RNLS: variants seen among roughly 807,000 people sequenced by gnomAD.
RNLS encodes the protein renalase, FAD dependent amine oxidase.
In RNLS, 39 loss-of-function variants were observed where a neutral mutation model predicts 39.8. The observed-to-expected ratio is 0.98, with a 90% CI of 0.76 to 1.28. The LOEUF (loss-of-function observed/expected upper bound fraction) is 1.28. Ranked by LOEUF, RNLS falls within the 50% of genes most tolerant of loss-of-function variation. The pLI, the probability that RNLS is intolerant of heterozygous loss-of-function variation, is 0.00. For synonymous variants in RNLS, 147 were observed against 150.7 expected, an observed-to-expected ratio of 0.98 and a Z score of 0.18; for missense variants, 410 against 413.3, an observed-to-expected ratio of 0.99 and a Z score of 0.07.
At chr10:88,427,874 T>C (rs1854887101) in intron 4 of RNLS, among the ~76,000 whole-genome samples, 1 of 151,944 alleles carries the variant, frequency 6.6e-6, no homozygotes, top group African/African-American at 2.4e-5. Flanking sequence ...AACTACAGCA[T>C]GGTTAAGTAA....
intron 4 of RNLS, among the ~76,000 whole-genome samples, chr10:88,551,081 T>C (rs1848581240): frequency 1.3e-5 from 2 of 152,186 alleles, no homozygotes; most frequent in African/African-American, 4.8e-5. Context: ...AAGGCATGGC[T>C]CATCAAGTGA....
chr10:88,364,559 T>C (rs904803009), intron 4 of RNLS, among the ~76,000 whole-genome samples: 1 of 152,142 alleles, frequency 6.6e-6, no homozygotes, highest in Non-Finnish European at 1.5e-5. Context: ...GTTACACATA[T>C]ATTCTTACTA....
chr10:88,575,759 A>G (rs1850162234), intron 3 of RNLS, among the ~76,000 whole-genome samples: 1 of 152,042 alleles, frequency 6.6e-6, no homozygotes, highest in Non-Finnish European at 1.5e-5. Flanking sequence ...AAATTTGACC[A>G]TGTCCCTCTC....
chr10:88,246,670 G>T, the RNLS span, among the ~76,000 whole-genome samples: 1 of 151,786 alleles, frequency 6.6e-6, no homozygotes, highest in South Asian at 2.1e-4. Context: ...CTCTCTCACG[G>T]CTAGAATTTT....
At chr10:88,371,657 C>T (rs1431081931) in intron 4 of RNLS, among the ~76,000 whole-genome samples, 3 of 152,100 alleles carry the variant, frequency 2.0e-5, no homozygotes, top group Non-Finnish European at 4.4e-5. Context: ...ATCTCACAAT[C>T]GTATAAAAAT....
chr10:88,210,431 C>T, the RNLS span, among the ~76,000 whole-genome samples: 1 of 152,124 alleles, frequency 6.6e-6, no homozygotes, highest in Non-Finnish European at 1.5e-5. Context: ...ATCCAAACAA[C>T]ATTTGACTCT....
intron 6 of RNLS, among the ~76,000 whole-genome samples, chr10:88,301,271 A>G (rs770136573): frequency 1.3e-5 from 2 of 152,336 alleles, no homozygotes; most frequent in Non-Finnish European, 2.9e-5. Context: ...TCCTAATTCA[A>G]TGATCAGAAT....
At chr10:88,544,562 T>C (rs950828487) in intron 4 of RNLS, among the ~76,000 whole-genome samples, 21 of 152,338 alleles carry the variant, frequency 1.4e-4, no homozygotes, top group Admixed American at 1.1e-3. Flanking sequence ...ACTAAAAGTT[T>C]TGACTCACAA....
chr10:88,444,767 G>A lies in RNLS; in HGVS notation c.527-82042C>T, dbSNP rs1589804256. Among the ~76,000 whole-genome samples, 4 of 152,170 alleles carry A rather than the reference G, an allele frequency of 2.6e-5. No homozygotes were observed. The East Asian group carries it at 7.7e-4, about 29-fold the overall frequency. On this transcript the variant is annotated intron_variant, in intron 4 of 6. Transcript: ENST00000331772. ...GAAATGAAGCAAGAAGAGAAGTTTA[G>A]AGAAAAAAGAGTAAATAGAAATGAA...
intron 4 of RNLS, among the ~76,000 whole-genome samples, chr10:88,431,016 G>C (rs1036610167): frequency 6.6e-6 from 1 of 151,570 alleles, no homozygotes; most frequent in Non-Finnish European, 1.5e-5. Flanking sequence ...ATTGCCTCTA[G>C]TACTTCAATT....
chr10:88,396,073 T>C (rs1276447685), intron 4 of RNLS, among the ~76,000 whole-genome samples: 1 of 152,064 alleles, frequency 6.6e-6, no homozygotes, highest in African/African-American at 2.4e-5. Context: ...GCAAATCTGC[T>C]CTTCAAAAAC....
intron 3 of RNLS, among the ~76,000 whole-genome samples, 188 bp from the exon 4 acceptor site, chr10:88,573,249 G>A (rs1024535735): frequency 6.6e-6 from 1 of 152,060 alleles, no homozygotes; most frequent in African/African-American, 2.4e-5. Context: ...TGGCATCCTT[G>A]GACTTCCCTA....
chr10:88,551,611 A>AAATTAAGGCGAAGTTTAT (rs1848607049), intron 4 of RNLS, among the ~76,000 whole-genome samples: 1 of 152,176 alleles, frequency 6.6e-6, no homozygotes, highest in Non-Finnish European at 1.5e-5. Flanking sequence ...TGTGATCATA[A>AAATTAAGGCGAAGTTTAT]TACACATGAA....
chr10:88,548,599 A>G (rs960113697), intron 4 of RNLS, among the ~76,000 whole-genome samples: 6 of 148,812 alleles, frequency 4.0e-5, no homozygotes, highest in African/African-American at 1.2e-4. Flanking sequence ...AGATCACAAC[A>G]CTGCACTCCA....
At chr10:88,498,849 T>A (rs1387464042) in intron 4 of RNLS, among the ~76,000 whole-genome samples, 1 of 152,078 alleles carries the variant, frequency 6.6e-6, no homozygotes, top group African/African-American at 2.4e-5. Flanking sequence ...GTATAGGAAT[T>A]CTTTGTAAAT....
the RNLS span, among the ~76,000 whole-genome samples, chr10:88,225,138 C>T: frequency 6.6e-6 from 1 of 152,192 alleles, no homozygotes; most frequent in Admixed American, 6.5e-5. Context: ...AGTTTCTACA[C>T]CCACTAAATA....
intron 6 of RNLS, among the ~76,000 whole-genome samples, chr10:88,310,374 T>C (rs1020925138): frequency 6.6e-6 from 1 of 152,130 alleles, no homozygotes; most frequent in African/African-American, 2.4e-5. Flanking sequence ...ATGGAAGGAA[T>C]TTAGGTTGCC....
At chr10:88,221,933 A>C in the RNLS span, among the ~76,000 whole-genome samples, 27 of 152,228 alleles carry the variant, frequency 1.8e-4, no homozygotes, top group African/African-American at 6.0e-4. Context: ...TATTTGTTAT[A>C]ATTGAACTAG....
At chr10:88,338,411 T>C (rs2133205102) in intron 5 of RNLS, among the ~76,000 whole-genome samples, 1 of 152,342 alleles carries the variant, frequency 6.6e-6, no homozygotes, top group East Asian at 1.9e-4. Context: ...TGCTACTATC[T>C]AACGGTTCTT....
Sources: allele counts gnomAD v4.1 joint callset (sites outside exome capture counted in the v4.1 genomes callset), GRCh38; gene constraint gnomAD v4.1.1; transcripts MANE v1.5; gene names NCBI Gene and HGNC (gene_info 2026-07-23, HGNC 2026-07-21).